Variants in EGLN2 observed in about 807,000 individuals in gnomAD.
EGLN2 encodes egl-9 family hypoxia inducible factor 2.
A neutral mutation model predicts 38.2 loss-of-function variants in EGLN2; 15 were observed. The observed-to-expected ratio is 0.39, with a 90% confidence interval of 0.26 to 0.60. EGLN2 has a LOEUF of 0.60. Among genes scored for constraint, EGLN2 ranks in the 20% least tolerant of loss-of-function variants. The probability of loss-of-function intolerance (pLI) is 0.50; values close to 1 mark genes in which losing one functional copy is unlikely to be tolerated. For missense variants in EGLN2, 492 were observed against 570.4 expected (o/e 0.86, Z 1.40); for synonymous variants, 284 against 237.4 (o/e 1.20, Z -1.81).
chr19:40,806,699 G>T (rs371948660), intron 3 of EGLN2, 25 bp downstream of exon 3: 523 of 1,611,976 alleles, frequency 3.2e-4, no homozygotes, highest in Non-Finnish European at 4.0e-4. Context: ...GAGGGTGAGG[G>T]TGGCGCTGGG....
intron 4 of EGLN2, 101 bp downstream of exon 4, chr19:40,807,375 G>A: frequency 6.2e-7 from 1 of 1,602,300 alleles, no homozygotes; most frequent in Non-Finnish European, 8.5e-7. Context: ...ATTGAGAGGG[G>A]GCCTAGGTGG....
Position 40,808,294 on chromosome 19 carries a change from T to C in EGLN2, c.*430T>C. ...CACTCCTCCAGCCTGGAATGTGAAG[T>C]GACTCCCCAACCCCTTTGGCCATGG... On this transcript the variant is annotated 3_prime_UTR_variant, in exon 6 of 6. Transcript: ENST00000303961. 1 of 418,236 alleles carries C rather than the reference T, an allele frequency of 2.4e-6. No individual in the cohort carries two copies. Among genetic ancestry groups the C allele is most frequent in the African/African-American group, 2.0e-5 (1 of 49,074 alleles). The allele number at this position is 418,236 out of a possible 1,614,324, so 25.9% of individuals were successfully genotyped here.
At chr19:40,801,746 T>C (rs2083262076) in intron 2 of EGLN2, among the ~76,000 whole-genome samples, 1 of 145,650 alleles carries the variant, frequency 6.9e-6, no homozygotes, top group Non-Finnish European at 1.5e-5. Context: ...AGGACAATAG[T>C]GGAGGGAAGG....
At chr19:40,807,437 G>C in intron 4 of EGLN2, 47 bp from the exon 5 acceptor site, 2 of 1,611,684 alleles carry the variant, frequency 1.2e-6, no homozygotes, top group Non-Finnish European at 1.7e-6. Flanking sequence ...TGTGGATATG[G>C]TAGCTGGAAT....
Position 40,806,681 on chromosome 19 carries a change from G to A in EGLN2, c.963+7G>A, listed in dbSNP as rs1248352746. The A allele has an allele frequency of 2.5e-6, 4 of 1,611,920 alleles. No homozygotes were observed. The highest frequency in any genetic ancestry group is 2.7e-5 in the African/African-American group (2 of 74,838). Reference sequence around the variant, plus strand: ...TCAGAACTGGGACGTTAAGGTAGGGGTGAGGGTGAGGGTGAGGGTGGCGCT... The same window carrying A: ...TCAGAACTGGGACGTTAAGGTAGGGATGAGGGTGAGGGTGAGGGTGGCGCT... On this transcript the variant is annotated splice_region_variant and intron_variant, in intron 3 of 5. Coordinates refer to ENST00000303961, the MANE Select transcript of EGLN2 (RefSeq NM_080732.4).
Position 40,807,133 on chromosome 19 carries a change from C to G in EGLN2, c.964-5C>G, listed in dbSNP as rs1403847121. 1 of 1,613,904 alleles carries G rather than the reference C, an allele frequency of 6.2e-7. No individual in the cohort carries two copies. The highest frequency in any genetic ancestry group is 1.3e-5 in the African/African-American group (1 of 74,928). ...AGCTAGCCTCATCCTTTGGCCTGCC[C>G]CCAGGTGCATGGCGGCCTGCTGCAG... On this transcript the variant is annotated splice_polypyrimidine_tract_variant and splice_region_variant and intron_variant, in intron 3 of 5. Transcript: ENST00000303961.
Position 40,807,839 on chromosome 19 carries a change from T to C in EGLN2, c.1199T>C (p.Val400Ala). 1 of 1,614,126 alleles carries C rather than the reference T, an allele frequency of 6.2e-7. No homozygotes were observed. The highest frequency in any genetic ancestry group is 8.5e-7 in the Non-Finnish European group (1 of 1,180,012). ...GGACAGAAAGGTGTCCAAGTACCTGTATCACAGCCGCCTACGCCCACCTAG... is the reference window on the plus strand; with the variant it reads ...GGACAGAAAGGTGTCCAAGTACCTGCATCACAGCCGCCTACGCCCACCTAG... Reference protein sequence around the residue: ...ASGQKGVQVPVSQPPTPT With the variant: ...ASGQKGVQVPASQPPTPT The change falls in exon 6 of 6, where the codon GTA (valine) becomes GCA (alanine). Residue 400 changes from valine (V) to alanine (A), a missense_variant. Val to Ala is a moderately conservative substitution (Grantham distance 64). Around this residue, in one of 2 missense-constraint regions of EGLN2, gnomAD observed 114 missense variants for 184.2 expected, o/e 0.62. Coordinates refer to ENST00000303961, the MANE Select transcript of EGLN2 (RefSeq NM_080732.4).
chr19:40,807,095 T>C, intron 3 of EGLN2, 43 bp from the exon 4 acceptor site: 1 of 1,608,128 alleles, frequency 6.2e-7, no homozygotes, highest in Non-Finnish European at 8.5e-7. Context: ...AGGCAGCGGC[T>C]CCTGGCCGTA....
rs2083231146 is a variant in EGLN2, at chr19:40,799,214, C to A, written c.-283C>A. 1 of 149,208 alleles carries A rather than the reference C, an allele frequency of 6.7e-6. No homozygotes were observed. Among genetic ancestry groups the A allele is most frequent in the Non-Finnish European group, 1.5e-5 (1 of 66,980 alleles). The allele number at this position is 149,208 out of a possible 1,614,324, so 9.2% of individuals were successfully genotyped here. On this transcript the variant is annotated 5_prime_UTR_variant, in exon 1 of 6. Coordinates refer to ENST00000303961, the MANE Select transcript of EGLN2 (RefSeq NM_080732.4). ...GCGGGGTATGGCGCGCTGTGCGGCG[C>A]AGGGCGGCTGGCACAAACGGCGGCG...
chr19:40,807,562 C>G lies in EGLN2; in HGVS notation c.1168+11C>G. ...ACAAGTATCAGCTAGGTACCTGCTT[C>G]CCTCCCTTCAGTCCTTCCTATTCTG... On this transcript the variant is annotated intron_variant, in intron 5 of 5. Coordinates refer to ENST00000303961, the MANE Select transcript of EGLN2 (RefSeq NM_080732.4). 1 of 1,614,030 alleles carries G rather than the reference C, an allele frequency of 6.2e-7. No individual in the cohort carries two copies. The highest frequency in any genetic ancestry group is 1.1e-5 in the South Asian group (1 of 91,080).
chr19:40,800,301 G>A, intron 1 of EGLN2, 38 bp from the exon 2 acceptor site: 2 of 429,962 alleles, frequency 4.7e-6, no homozygotes, highest in South Asian at 8.1e-5. Context: ...CCTGTCTCTA[G>A]TTTCTCTCAC....
chr19:40,807,340 CAG>C, intron 4 of EGLN2, 66 bp downstream of exon 4: 1 of 1,610,538 alleles, frequency 6.2e-7, no homozygotes, highest in Non-Finnish European at 8.5e-7. Context: ...GTCAGAGCCT[CAG>C]AGTGACTAGG....
intron 3 of EGLN2, 186 bp downstream of exon 3, chr19:40,806,860 A>G (rs2083306267): frequency 2.0e-6 from 2 of 977,510 alleles, no homozygotes; most frequent in Non-Finnish European, 3.0e-6. Flanking sequence ...TCTCTAGCGG[A>G]CTGTGTGGTG....
Position 40,800,479 on chromosome 19 carries a change from T to A in EGLN2, c.-94T>A, listed in dbSNP as rs749354698. The A allele has an allele frequency of 6.9e-7, 1 of 1,453,804 alleles. No homozygotes were observed. Among genetic ancestry groups the A allele is most frequent in the Non-Finnish European group, 9.0e-7 (1 of 1,105,530 alleles). The allele number at this position is 1,453,804 out of a possible 1,614,324, so 90.1% of individuals were successfully genotyped here. A position where few individuals can be genotyped will look rare whatever the true frequency, so the allele number is the denominator to read the frequency against. On this transcript the variant is annotated 5_prime_UTR_variant, in exon 2 of 6. Coordinates refer to ENST00000303961, the MANE Select transcript of EGLN2 (RefSeq NM_080732.4). ...CACGCCAGGCCCGGTGGCCCCCAGC[T>A]GCATCAAGTGGAGGCGGAGGAGGAG... is the stretch of plus-strand genomic sequence containing the variant.
chr19:40,808,366 GT>G lies in EGLN2; in HGVS notation c.*503del. The stretch of plus-strand genomic sequence containing the variant: ...TGCCACTGCTTGGGCAGAGTAAAAG[GT>G]GCCAGGAGGAGCATGGGTGTGGAAG... On this transcript the variant is annotated 3_prime_UTR_variant, in exon 6 of 6. Transcript: ENST00000303961. The G allele has an allele frequency of 2.5e-6, 1 of 404,670 alleles. No homozygotes were observed. Among genetic ancestry groups the G allele is most frequent in the Non-Finnish European group, 4.4e-6 (1 of 228,936 alleles). The allele number at this position is 404,670 out of a possible 1,614,324, so 25.1% of individuals were successfully genotyped here.
chr19:40,805,974 C>G (rs904401145), intron 2 of EGLN2: 14 of 153,124 alleles, frequency 9.1e-5, no homozygotes, highest in African/African-American at 3.4e-4. Flanking sequence ...GCTTTTGGCT[C>G]CTGTTCGGAG....
At chr19:40,806,411 T>G (rs2083301058) in intron 2 of EGLN2, 144 bp from the exon 3 acceptor site, 1 of 1,444,460 alleles carries the variant, frequency 6.9e-7, no homozygotes, top group Admixed American at 2.5e-5. Flanking sequence ...GAAAGTCTTT[T>G]GGGGCAGGAG....
In EGLN2 at chr19:40,801,218, G is replaced by C. The variant is rs1568500514; in HGVS notation, c.646G>C (p.Gly216Arg). Residue 216 changes from glycine (G) to arginine (R), a missense_variant, in exon 2 of 6, where the codon GGT (glycine) becomes CGT (arginine). Coordinates refer to ENST00000303961, the MANE Select transcript of EGLN2 (RefSeq NM_080732.4). ...VLAEVEALKR[G>R]GRLRDGQLVS... is the part of the protein sequence containing the mutation. ...GGCCGAGGTGGAGGCCCTCAAACGG[G>C]GTGGGCGCCTGCGAGACGGGCAGCT... is the stretch of plus-strand genomic sequence containing the variant. 3.1e-6 allele frequency: 5 copies of C among 1,612,590 alleles called. No homozygotes were observed. Among genetic ancestry groups the C allele is most frequent in the Non-Finnish European group, 4.2e-6 (5 of 1,179,906 alleles).
In EGLN2 at chr19:40,801,324, G is replaced by A. The variant is rs770688943; in HGVS notation, c.752G>A (p.Arg251Gln). The A allele has an allele frequency of 3.1e-6, 5 of 1,612,686 alleles. No individual in the cohort carries two copies. Among genetic ancestry groups the A allele is most frequent in the Admixed American group, 3.3e-5 (2 of 60,030 alleles). The change falls in exon 2 of 6, where the codon CGA becomes CAA. Residue 251 changes from arginine (R) to glutamine (Q), a missense_variant. Around this residue, in one of 2 missense-constraint regions of EGLN2, gnomAD observed 378 missense variants for 386.2 expected, o/e 0.98. Transcript: ENST00000303961. ...AWVEGHEPGC[R>Q]SIGALMAHVD... ...GTGGAAGGCCATGAACCAGGCTGTCGAAGCATTGGTGCCCTCATGGCCCAT... is the reference window on the plus strand; with the variant it reads ...GTGGAAGGCCATGAACCAGGCTGTCAAAGCATTGGTGCCCTCATGGCCCAT...
Sources: allele counts gnomAD v4.1 joint callset (sites outside exome capture counted in the v4.1 genomes callset), GRCh38; gene constraint gnomAD v4.1.1; regional missense constraint gnomAD v4.1.1; transcripts MANE v1.5; gene names NCBI Gene and HGNC (gene_info 2026-07-23, HGNC 2026-07-21).